The following PRDM5 variants were observed in gnomAD, a reference collection of about 807,000 sequenced individuals.
PRDM5 encodes PR domain zinc finger protein 5.
In PRDM5, 56 loss-of-function variants were observed where a neutral mutation model predicts 81.2. The ratio of observed to expected loss-of-function variants is 0.69; its 90% confidence interval spans 0.56 to 0.86. PRDM5 has a LOEUF of 0.86. PRDM5 is among the 40% of genes least tolerant of loss of function. The probability of loss-of-function intolerance (pLI) is 0.00; values close to 1 mark genes in which losing one functional copy is unlikely to be tolerated. For missense variants in PRDM5, 697 were observed against 770.1 expected, an observed-to-expected ratio of 0.91 and a Z score of 1.12; for synonymous variants, 267 against 256.4, an observed-to-expected ratio of 1.04 and a Z score of -0.39.
intron 13 of PRDM5, among the ~76,000 whole-genome samples, chr4:120,760,173 T>G (rs1201354436): frequency 2.0e-5 from 3 of 152,210 alleles, no homozygotes; most frequent in African/African-American, 7.2e-5. Context: ...GGGTTAGACT[T>G]TCTAAAGTTA....
At chr4:120,869,752 G>A (rs187960556) in intron 2 of PRDM5, among the ~76,000 whole-genome samples, 30 of 152,234 alleles carry the variant, frequency 2.0e-4, no homozygotes, top group African/African-American at 7.0e-4. Context: ...AAATAAAAAG[G>A]CAAATGTGTA....
chr4:120,922,358 C>A (rs1472635501), intron 1 of PRDM5, among the ~76,000 whole-genome samples, 158 bp downstream of exon 1: 5 of 151,792 alleles, frequency 3.3e-5, no homozygotes, highest in African/African-American at 1.2e-4. Flanking sequence ...CCCGCCGTGC[C>A]CCGCGGTCCC....
At chr4:120,852,895 G>A (rs1759444255) in intron 3 of PRDM5, among the ~76,000 whole-genome samples, 1 of 150,816 alleles carries the variant, frequency 6.6e-6, no homozygotes, top group East Asian at 2.0e-4. Flanking sequence ...GACCTCTCGG[G>A]CTCAAGTGAT....
In PRDM5 at chr4:120,694,730, TACAGACAC is replaced by T. The variant is rs3840103; in HGVS notation, c.*373_*380del. On this transcript the variant is annotated 3_prime_UTR_variant, in exon 16 of 16. Transcript: ENST00000264808. ...AAGTGAGTGCACACACACAGACACA[TACAGACAC>T]ACAGACACACAGACACACAAAGAAT... The T allele has an allele frequency of 0.17, 40,485 of 237,716 alleles. 4,178 individuals carry two copies. The highest frequency in any genetic ancestry group is 0.24 in the Non-Finnish European group (28,238 of 119,506). The allele number at this position is 237,716 out of a possible 1,614,324, so 14.7% of individuals were successfully genotyped here.
chr4:120,914,309 T>G (rs1194401132), intron 1 of PRDM5, among the ~76,000 whole-genome samples: 1 of 151,490 alleles, frequency 6.6e-6, no homozygotes, highest in African/African-American at 2.4e-5. Context: ...AAGTGAAAAC[T>G]ACGAACAGAT....
chr4:120,842,820 C>A (rs776437724), intron 3 of PRDM5, among the ~76,000 whole-genome samples: 3 of 152,084 alleles, frequency 2.0e-5, no homozygotes. Context: ...CTATTACAAC[C>A]AAAAGCCCCA....
intron 15 of PRDM5, among the ~76,000 whole-genome samples, chr4:120,705,330 A>C (rs1007701032): frequency 1.3e-5 from 2 of 152,194 alleles, no homozygotes; most frequent in African/African-American, 4.8e-5. Flanking sequence ...TAATTAAACA[A>C]ATTTTTGGTG....
chr4:120,908,687 C>A (rs1766131420), intron 1 of PRDM5, among the ~76,000 whole-genome samples: 1 of 152,160 alleles, frequency 6.6e-6, no homozygotes, highest in Non-Finnish European at 1.5e-5. Flanking sequence ...AACTTAGGGG[C>A]AGAAAATACC....
chr4:120,881,602 AC>A (rs1193903011), intron 2 of PRDM5, among the ~76,000 whole-genome samples: 1 of 152,142 alleles, frequency 6.6e-6, no homozygotes, highest in Non-Finnish European at 1.5e-5. Flanking sequence ...GAGAAAACTA[AC>A]CATATAAAGA....
chr4:120,765,472 C>T (rs1746245606), intron 13 of PRDM5, among the ~76,000 whole-genome samples: 1 of 152,184 alleles, frequency 6.6e-6, no homozygotes, highest in African/African-American at 2.4e-5. Flanking sequence ...AACCTCAGCT[C>T]TCACTGACCC....
At chr4:120,750,718 A>ACACACGCG (rs1240938492) in intron 14 of PRDM5, among the ~76,000 whole-genome samples, 1 of 149,910 alleles carries the variant, frequency 6.7e-6, no homozygotes, top group Admixed American at 6.6e-5. Context: ...ACACACACAC[A>ACACACGCG]CGCGCACACA....
intron 1 of PRDM5, among the ~76,000 whole-genome samples, chr4:120,918,962 C>A (rs1724558290): frequency 1.3e-5 from 2 of 152,198 alleles, no homozygotes; most frequent in Non-Finnish European, 1.5e-5. Flanking sequence ...AAGTGGCCAG[C>A]CCACAGGCTG....
At chr4:120,699,153 GAAATAT>G (rs1281394583) in intron 15 of PRDM5, among the ~76,000 whole-genome samples, 1,258 of 96,788 alleles carry the variant, frequency 0.013, 19 homozygotes, top group South Asian at 0.02. Flanking sequence ...GCAATTATAG[GAAATAT>G]AAATATATAT....
intron 14 of PRDM5, among the ~76,000 whole-genome samples, chr4:120,718,858 G>C (rs1738182137): frequency 6.6e-6 from 1 of 152,130 alleles, no homozygotes; most frequent in Admixed American, 6.5e-5. Context: ...AACAAAAAAG[G>C]CTTGTGTTAT....
At chr4:120,804,272 G>C (rs971194078) in intron 8 of PRDM5, among the ~76,000 whole-genome samples, 6 of 150,510 alleles carry the variant, frequency 4.0e-5, no homozygotes, top group African/African-American at 1.5e-4. Context: ...ACACCCAACT[G>C]ACAACATTAG....
At chr4:120,813,143 A>T (rs1284981295) in intron 7 of PRDM5, 1 of 152,466 alleles carries the variant, frequency 6.6e-6, no homozygotes, top group East Asian at 1.9e-4. Flanking sequence ...TTATGTAGTG[A>T]TTATGTTTAC....
rs117485051 is a variant in PRDM5 at position 120,825,936 on chromosome 4, A to G, written c.301-4591T>C. On this transcript the variant is annotated intron_variant, in intron 3 of 15. Coordinates refer to ENST00000264808, the MANE Select transcript of PRDM5 (RefSeq NM_018699.4). ...AGGATAGGGATTACTCAGTGCTAAA[A>G]CTGAGAGAGTCCTGGGCAAACTAGG... Among the ~76,000 whole-genome samples, 44 of 152,222 alleles carry G rather than the reference A, an allele frequency of 2.9e-4. No homozygotes were observed. The East Asian group carries it at 5.4e-3, about 19-fold the overall frequency.
At chr4:120,796,164 C>G (rs1223497767) in intron 10 of PRDM5, among the ~76,000 whole-genome samples, 1 of 152,064 alleles carries the variant, frequency 6.6e-6, no homozygotes, top group Non-Finnish European at 1.5e-5. Flanking sequence ...ATCCTTACTT[C>G]TATGTTTCTC....
intron 13 of PRDM5, among the ~76,000 whole-genome samples, chr4:120,756,277 C>G (rs2149160881): frequency 6.6e-6 from 1 of 152,308 alleles, no homozygotes; most frequent in South Asian, 2.1e-4. Flanking sequence ...TCACAAACAG[C>G]TTAAATCAGT....
Sources: gnomAD v4.1 joint callset for allele counts (sites outside exome capture counted in the v4.1 genomes callset) on GRCh38, gnomAD v4.1.1 for gene constraint, MANE v1.5 for transcripts, NCBI Gene and HGNC (gene_info 2026-07-23, HGNC 2026-07-21) for gene names.